Variants in OLFM2 observed in about 807,000 individuals in gnomAD.
The protein encoded by OLFM2 is noelin-2.
A neutral mutation model predicts 43.9 loss-of-function variants in OLFM2; 20 were observed. That is an observed-to-expected ratio of 0.46 (90% confidence interval 0.32 to 0.66). The LOEUF (loss-of-function observed/expected upper bound fraction) is 0.66. OLFM2 is among the 30% of genes least tolerant of loss of function. The probability of loss-of-function intolerance (pLI) is 0.04; values close to 1 mark genes in which losing one functional copy is unlikely to be tolerated. For synonymous variants in OLFM2, 268 were observed against 278.6 expected (o/e 0.96, Z 0.38); for missense variants, 416 against 643.6 (o/e 0.65, Z 3.83).
At chr19:9,909,003 A>G (rs1388419512) in intron 1 of OLFM2, among the ~76,000 whole-genome samples, 1 of 151,624 alleles carries the variant, frequency 6.6e-6, no homozygotes, top group Non-Finnish European at 1.5e-5. Context: ...CACTGTGGTC[A>G]GCCTATTTTA....
At chr19:9,915,472 CAG>C (rs1475492851) in intron 1 of OLFM2, among the ~76,000 whole-genome samples, 1 of 151,484 alleles carries the variant, frequency 6.6e-6, no homozygotes, top group East Asian at 1.9e-4. Context: ...AAACTTTAAA[CAG>C]AGTGATTGGA....
chr19:9,925,803 C>A lies in OLFM2; in HGVS notation c.63+10501G>T, dbSNP rs2086448624. On this transcript the variant is annotated intron_variant, in intron 1 of 5. Coordinates refer to ENST00000264833, the MANE Select transcript of OLFM2 (RefSeq NM_058164.4). ...GTGTCTCAAAAAGATATTGGTACAC[C>A]CGTGATCATAGCAGTATTATTCAAA... Among the ~76,000 whole-genome samples the A allele has an allele frequency of 2.0e-5, 3 of 151,660 alleles. No individual in the cohort carries two copies. The South Asian group carries it at 6.3e-4, about 32-fold the overall frequency.
rs747315611 is a variant in OLFM2, at chr19:9,856,855, G to T, written c.639C>A (p.Arg213=). 7.4e-6 allele frequency: 12 copies of T among 1,613,696 alleles called. No homozygotes were observed. The African/African-American group carries it at 1.6e-4, about 22-fold the overall frequency. The part of the protein sequence containing the change: ...NPITVRAMGS[R]FGSWMTDTMA... The stretch of plus-strand genomic sequence containing the variant: ...TCGTGTCAGTCATCCAGGAGCCGAA[G>T]CGGGACCCCATGGCCCGAACGGTGA... Residue 213 remains arginine (R), a synonymous_variant, in exon 5 of 6, where the codon CGC becomes CGA. Coordinates refer to ENST00000264833, the MANE Select transcript of OLFM2 (RefSeq NM_058164.4). This position sits in a 1 kb window ranked among gnomAD's most constrained non-coding sequence, Gnocchi z 4.0.
intron 1 of OLFM2, among the ~76,000 whole-genome samples, chr19:9,882,094 C>G (rs1269947895): frequency 2.0e-5 from 3 of 151,898 alleles, no homozygotes; most frequent in Non-Finnish European, 4.4e-5. Context: ...CAAAAATTAG[C>G]CAGGTGTGGT....
At chr19:9,935,345 A>AG (rs762502454) in intron 1 of OLFM2, among the ~76,000 whole-genome samples, 10 of 152,062 alleles carry the variant, frequency 6.6e-5, no homozygotes, top group Non-Finnish European at 1.0e-4. Flanking sequence ...GGAGGAGGAG[A>AG]GGGGCTTTCC....
chr19:9,898,654 G>A (rs2046706702), intron 1 of OLFM2, among the ~76,000 whole-genome samples: 1 of 152,134 alleles, frequency 6.6e-6, no homozygotes, highest in Non-Finnish European at 1.5e-5. Flanking sequence ...ATGAGCCACT[G>A]TGCTTGGCCC....
chr19:9,856,699 CTT>C lies in OLFM2; in HGVS notation c.687+106_687+107del. Reference sequence around the variant, plus strand: ...CAATGGCCCTGGGGGATCCAGGACACTTTGGGCTACAAGACAGTCACCAGTGT... The same window carrying C: ...CAATGGCCCTGGGGGATCCAGGACACTGGGCTACAAGACAGTCACCAGTGT... On this transcript the variant is annotated intron_variant, in intron 5 of 5. Coordinates refer to ENST00000264833, the MANE Select transcript of OLFM2 (RefSeq NM_058164.4). This position sits in a 1 kb window ranked among gnomAD's most constrained non-coding sequence, Gnocchi z 4.0. 1 of 886,244 alleles carries C rather than the reference CTT, an allele frequency of 1.1e-6. No individual in the cohort carries two copies. The highest frequency in any genetic ancestry group is 1.7e-5 in the African/African-American group (1 of 60,406). The allele number at this position is 886,244 out of a possible 1,614,324, so 54.9% of individuals were successfully genotyped here.
intron 1 of OLFM2, among the ~76,000 whole-genome samples, chr19:9,896,342 G>A (rs959988265): frequency 5.3e-5 from 8 of 151,448 alleles, no homozygotes; most frequent in Non-Finnish European, 1.0e-4. Context: ...CTTGTGATCC[G>A]CCCGCCTCAG....
At chr19:9,888,002 A>G (rs557025555) in intron 1 of OLFM2, among the ~76,000 whole-genome samples, 4 of 151,590 alleles carry the variant, frequency 2.6e-5, no homozygotes, top group African/African-American at 7.3e-5. Context: ...CTTGTCTCAA[A>G]GTAGAGTTCT....
chr19:9,869,671 C>T (rs538348829), intron 1 of OLFM2, among the ~76,000 whole-genome samples: 75 of 152,300 alleles, frequency 4.9e-4, no homozygotes, highest in Admixed American at 4.3e-3. Flanking sequence ...GGCTGGAGTG[C>T]AGTGGCACAA....
At chr19:9,874,202 G>A (rs959893185) in intron 1 of OLFM2, among the ~76,000 whole-genome samples, 1 of 151,908 alleles carries the variant, frequency 6.6e-6, no homozygotes, top group African/African-American at 2.4e-5. Flanking sequence ...AGGATCCCAC[G>A]TTACACTCAG....
At chr19:9,862,256 C>T (rs1269978013) in intron 1 of OLFM2, among the ~76,000 whole-genome samples, 4 of 152,084 alleles carry the variant, frequency 2.6e-5, no homozygotes, top group South Asian at 2.1e-4. Flanking sequence ...GGTCTTCCCT[C>T]AGGCTGAGGG....
At chr19:9,914,495 G>T (rs934595665) in intron 1 of OLFM2, among the ~76,000 whole-genome samples, 1 of 151,986 alleles carries the variant, frequency 6.6e-6, no homozygotes, top group Non-Finnish European at 1.5e-5. Flanking sequence ...GGGTCACTTC[G>T]GCCACGGGAG....
At position 9,856,278 on chromosome 19, in the gene OLFM2, A is replaced by C. The variant is rs56989087; in HGVS notation, c.687+529T>G. Among the ~76,000 whole-genome samples the C allele has an allele frequency of 0.3, 45,049 of 151,862 alleles. 6,875 individuals carry two copies. The highest frequency in any genetic ancestry group is 0.38 in the South Asian group (1,829 of 4,796). On this transcript the variant is annotated intron_variant, in intron 5 of 5. Transcript: ENST00000264833. The surrounding 1 kb of genome is among the most constrained non-coding windows in gnomAD (Gnocchi z 4.0). ...CATGTCCGGCTAATTTTGTATTTTT[A>C]GTAGAGACAGGGTTTCTCCATGTTG...
chr19:9,922,825 C>T (rs538220490), intron 1 of OLFM2, among the ~76,000 whole-genome samples: 4 of 149,900 alleles, frequency 2.7e-5, no homozygotes, highest in East Asian at 1.9e-4. Context: ...GTGGGAGGAT[C>T]GCTTGAGCCT....
chr19:9,906,809 C>T (rs1478062521), intron 1 of OLFM2, among the ~76,000 whole-genome samples: 1 of 152,142 alleles, frequency 6.6e-6, no homozygotes, highest in South Asian at 2.1e-4. Context: ...TCTGCAGCGG[C>T]AGGCAGCAGT....
At chr19:9,879,721 T>A (rs979475016) in intron 1 of OLFM2, among the ~76,000 whole-genome samples, 28 of 152,136 alleles carry the variant, frequency 1.8e-4, no homozygotes, top group Non-Finnish European at 3.1e-4. Context: ...TTTTAATTTT[T>A]AAAAATTATA....
intron 1 of OLFM2, among the ~76,000 whole-genome samples, chr19:9,890,175 T>C (rs1272216206): frequency 6.6e-6 from 1 of 152,146 alleles, no homozygotes; most frequent in Non-Finnish European, 1.5e-5. Flanking sequence ...TGGAGACATC[T>C]ACCAGCACCT....
rs1224406226 is a variant in OLFM2, at chr19:9,927,503, G to T, written c.63+8801C>A. Among the ~76,000 whole-genome samples, 3 of 152,048 alleles carry T rather than the reference G, an allele frequency of 2.0e-5. No individual in the cohort carries two copies. The East Asian group carries it at 5.8e-4, about 29-fold the overall frequency. ...ATGTAAAATAAGGGTAAACCCACCA[G>T]GTCTTGTCAGCATGACCAATGACTT... On this transcript the variant is annotated intron_variant, in intron 1 of 5. Coordinates refer to ENST00000264833, the MANE Select transcript of OLFM2 (RefSeq NM_058164.4).
Sources: gnomAD v4.1 joint callset for allele counts (sites outside exome capture counted in the v4.1 genomes callset) on GRCh38, gnomAD v4.1.1 for gene constraint, Gnocchi (gnomAD v3.1) non-coding constraint, MANE v1.5 for transcripts, NCBI Gene and HGNC (gene_info 2026-07-23, HGNC 2026-07-21) for gene names.